The following SSX1 variants were observed in gnomAD, a reference collection of about 807,000 sequenced individuals.
The protein encoded by SSX1 is protein SSX1.
In SSX1, 58 loss-of-function variants were observed where a neutral mutation model predicts 14.6. That is an observed-to-expected ratio of 3.96 (90% CI 3.21 to 4.93). SSX1 has a LOEUF of 4.93. Ranked by LOEUF, SSX1 falls within the 30% of genes most tolerant of loss-of-function variation. The probability of loss-of-function intolerance (pLI) is 0.00; values close to 1 mark genes in which losing one functional copy is unlikely to be tolerated. For missense variants in SSX1, 272 were observed against 143.1 expected (o/e 1.90, Z -4.60); for synonymous variants, 46 against 52.1 (o/e 0.88, Z 0.50).
chrX:48,262,590 C>G (rs1169086461), intron 5 of SSX1, among the ~76,000 whole-genome samples: 2 of 111,237 alleles, frequency 1.8e-5, no homozygotes, highest in African/African-American at 3.3e-5. Flanking sequence ...AGCCCCAGTC[C>G]CAGCCCAGGG....
intron 5 of SSX1, among the ~76,000 whole-genome samples, chrX:48,262,277 G>T (rs12116143): frequency 0.066 from 7,348 of 111,920 alleles, 282 homozygotes; most frequent in East Asian, 0.25. Context: ...GAGGCTATCG[G>T]GGTACAGAGA....
intron 5 of SSX1, among the ~76,000 whole-genome samples, chrX:48,263,064 G>A (rs2059610470): frequency 9.1e-6 from 1 of 109,848 alleles, no homozygotes; most frequent in South Asian, 4.0e-4. Flanking sequence ...AACCGGGGAG[G>A]AGGAGATTGC....
Position 48,267,405 on chromosome X carries a change from G to C in SSX1, c.*556G>C, listed in dbSNP as rs190151430. ...TGTACTCCCCTCATCCGATTCCCCT[G>C]TATCAGTCACTGACAGTTAATAAAC... On this transcript the variant is annotated 3_prime_UTR_variant, in exon 8 of 8. Coordinates refer to ENST00000376919, the MANE Select transcript of SSX1 (RefSeq NM_005635.4). The C allele has an allele frequency of 7.4e-4, 121 of 163,134 alleles. No homozygotes were observed. Among genetic ancestry groups the C allele is most frequent in the African/African-American group, 2.4e-3 (77 of 32,478 alleles). 13.4% of individuals were successfully genotyped at this position (163,134 alleles called of 1,213,427 possible).
In SSX1 at chrX:48,266,853, G is replaced by A. The variant is rs1556936556; in HGVS notation, c.*5-1G>A. ...ACTTTCCTTCCCTCTTCTCGCCTCA[G>A]CCTGGGGGATACGACACATGCCCTT... On this transcript the variant is annotated splice_acceptor_variant, in intron 7 of 7. Transcript: ENST00000376919. LOFTEE classifies it low-confidence loss of function (3UTR_SPLICE). 14 of 1,066,678 alleles carry A rather than the reference G, an allele frequency of 1.3e-5. No homozygotes were observed. Among genetic ancestry groups the A allele is most frequent in the Non-Finnish European group, 1.8e-5 (14 of 778,731 alleles). The allele number at this position is 1,066,678 out of a possible 1,213,427, so 87.9% of individuals were successfully genotyped here.
Position 48,261,812 on chromosome X carries a change from GA to G in SSX1, c.329del (p.Lys110ArgfsTer66). 1.7e-6 allele frequency: 2 copies of G among 1,210,380 alleles called. No individual in the cohort carries two copies. Among genetic ancestry groups the G allele is most frequent in the African/African-American group, 1.7e-5 (1 of 57,775 alleles). On this transcript the variant is annotated frameshift_variant and splice_region_variant, in exon 5 of 8. Transcript: ENST00000376919. LOFTEE classifies it high-confidence loss of function. ...TFGRLHRIIP[K>X]IMPKKPAEDE... Reference sequence around the variant, plus strand: ...TCGGCAGGCTCCACAGAATCATCCCGAAGGTGAGTATCTCTCAAATCTAAAG... The same window carrying G: ...TCGGCAGGCTCCACAGAATCATCCCGAGGTGAGTATCTCTCAAATCTAAAG...
Position 48,261,781 on chromosome X carries a change from T to C in SSX1, c.296T>C (p.Met99Thr), listed in dbSNP as rs782763366. ...NRRIQVEHPQ[M>T]TFGRLHRIIP... is the part of the protein sequence containing the mutation. Reference sequence around the variant, plus strand: ...TCTCTTTCAGTTGAACATCCTCAGATGACTTTCGGCAGGCTCCACAGAATC... The same window carrying C: ...TCTCTTTCAGTTGAACATCCTCAGACGACTTTCGGCAGGCTCCACAGAATC... Residue 99 changes from methionine to threonine, a missense_variant, in exon 5 of 8, where the codon ATG (methionine) becomes ACG (threonine). Physicochemically the swap from Met to Thr is moderately conservative, Grantham distance 81 (BLOSUM62 -1). Coordinates refer to ENST00000376919, the MANE Select transcript of SSX1 (RefSeq NM_005635.4). The C allele has an allele frequency of 1.3e-5, 16 of 1,211,402 alleles. No homozygotes were observed. In the East Asian group the frequency reaches 4.4e-4, roughly 34 times the overall value.
rs2059611502 is a variant in SSX1 at position 48,263,260 on chromosome X, T to A, written c.331-522T>A. 6.3e-5 allele frequency among the ~76,000 whole-genome samples: 7 copies of A among 111,453 alleles called. No individual in the cohort carries two copies. In the Admixed American group the frequency reaches 6.7e-4, roughly 11 times the overall value. On this transcript the variant is annotated intron_variant, in intron 5 of 7. Coordinates refer to ENST00000376919, the MANE Select transcript of SSX1 (RefSeq NM_005635.4). ...TGCCTCGGTAGGGTGGTATGCCAGA[T>A]CTGGTACTGCTTTCTTTGCTGCCTA...
intron 4 of SSX1, among the ~76,000 whole-genome samples, chrX:48,259,496 A>G (rs782271006): frequency 2.8e-4 from 31 of 110,859 alleles, no homozygotes; most frequent in African/African-American, 9.5e-4. Context: ...ACATGTGCAC[A>G]ATGTGCAGGT....
chrX:48,256,557 T>C (rs2059582994), intron 1 of SSX1, among the ~76,000 whole-genome samples: 1 of 96,658 alleles, frequency 1.0e-5, no homozygotes, highest in Admixed American at 1.3e-4. Context: ...CGCCTCGGCC[T>C]CCCAAAATGC....
At position 48,259,877 on chromosome X, in the gene SSX1, G is replaced by T. The variant is rs782165741; in HGVS notation, c.280+1246G>T. 4.5e-3 allele frequency among the ~76,000 whole-genome samples: 465 copies of T among 104,382 alleles called. 3 individuals carry two copies. Among genetic ancestry groups the T allele is most frequent in the Non-Finnish European group, 7.4e-3 (376 of 50,811 alleles). 90.6% of individuals were successfully genotyped at this position (104,382 alleles called of 115,157 possible). ...TGTTGGACATTTGGGTTGGTTCCAAGTCTTTGCTATTGTGAATAGTGCCAC... is the reference window on the plus strand; with the variant it reads ...TGTTGGACATTTGGGTTGGTTCCAATTCTTTGCTATTGTGAATAGTGCCAC... On this transcript the variant is annotated intron_variant, in intron 4 of 7. Transcript: ENST00000376919.
intron 5 of SSX1, among the ~76,000 whole-genome samples, chrX:48,262,957 A>G (rs1273870683): frequency 9.1e-6 from 1 of 110,000 alleles, no homozygotes; most frequent in Non-Finnish European, 1.9e-5. Flanking sequence ...AACATGGTGA[A>G]ACCTCATCTC....
Position 48,261,816 on chromosome X carries a change from G to A in SSX1, c.330+1G>A, listed in dbSNP as rs781834262. On this transcript the variant is annotated splice_donor_variant, in intron 5 of 7. Transcript: ENST00000376919. LOFTEE classifies it high-confidence loss of function. Reference sequence around the variant, plus strand: ...CAGGCTCCACAGAATCATCCCGAAGGTGAGTATCTCTCAAATCTAAAGGAC... The same window carrying A: ...CAGGCTCCACAGAATCATCCCGAAGATGAGTATCTCTCAAATCTAAAGGAC... 7 of 1,210,429 alleles carry A rather than the reference G, an allele frequency of 5.8e-6. No homozygotes were observed. The highest frequency in any genetic ancestry group is 2.3e-4 in the Middle Eastern group (1 of 4,348).
At position 48,257,204 on chromosome X, in the gene SSX1, AG is replaced by A. The variant is rs782226406; in HGVS notation, c.-20-16del. On this transcript the variant is annotated splice_polypyrimidine_tract_variant and intron_variant, in intron 1 of 7. Coordinates refer to ENST00000376919, the MANE Select transcript of SSX1 (RefSeq NM_005635.4). ...AAGGGTCCTGTAGCTAGAAAGTCTCAGGCTGTTTCTCTTGCAGGTGAGACTG... is the reference window on the plus strand; with the variant it reads ...AAGGGTCCTGTAGCTAGAAAGTCTCAGCTGTTTCTCTTGCAGGTGAGACTG... 4.2e-6 allele frequency: 5 copies of A among 1,203,351 alleles called. No homozygotes were observed. Among genetic ancestry groups the A allele is most frequent in the Non-Finnish European group, 5.6e-6 (5 of 888,155 alleles).
Position 48,267,157 on chromosome X carries a change from G to T in SSX1, c.*308G>T, listed in dbSNP as rs1448442265. 26 of 358,127 alleles carry T rather than the reference G, an allele frequency of 7.3e-5. No individual in the cohort carries two copies. The highest frequency in any genetic ancestry group is 3.9e-4 in the African/African-American group (15 of 38,140). 29.5% of individuals were successfully genotyped at this position (358,127 alleles called of 1,213,427 possible). On this transcript the variant is annotated 3_prime_UTR_variant, in exon 8 of 8. Coordinates refer to ENST00000376919, the MANE Select transcript of SSX1 (RefSeq NM_005635.4). ...CTACGTCAGAAAACAAGTATTGTCA[G>T]GTATTCTCTCCATAGAACAGCACTA...
chrX:48,265,366 T>C (rs1451673253), intron 6 of SSX1, among the ~76,000 whole-genome samples: 3 of 112,057 alleles, frequency 2.7e-5, no homozygotes, highest in African/African-American at 6.5e-5. Context: ...TGTGAGAGAA[T>C]GCGACTCTTC....
intron 2 of SSX1, 180 bp downstream of exon 2, chrX:48,257,490 C>G (rs113029838): frequency 1.0e-4 from 77 of 751,491 alleles, no homozygotes; most frequent in African/African-American, 3.0e-4. Flanking sequence ...AGACAAGTCT[C>G]TGACCTTGCT....
intron 5 of SSX1, among the ~76,000 whole-genome samples, chrX:48,262,486 T>C (rs1465562348): frequency 1.8e-5 from 2 of 111,994 alleles, no homozygotes; most frequent in African/African-American, 3.2e-5. Flanking sequence ...TCTGCTCTGT[T>C]ACCGGGGCCA....
In SSX1 at chrX:48,257,848, A is replaced by G. The variant is rs142378336; in HGVS notation, c.172A>G (p.Met58Val). 56 of 1,172,484 alleles carry G rather than the reference A, an allele frequency of 4.8e-5. No homozygotes were observed. Among genetic ancestry groups the G allele is most frequent in the African/African-American group, 8.9e-5 (5 of 56,265 alleles). The change falls in exon 3 of 8, where the codon ATG becomes GTG. Residue 58 changes from methionine (M) to valine (V), a missense_variant. Physicochemically the swap from Met to Val is conservative, Grantham distance 21. Transcript: ENST00000376919. ...GTATATGAAGAGAAACTATAAGGCC[A>G]TGACTAAACTAGGTAACAGAAAGTT... The part of the protein sequence containing the change: ...YVYMKRNYKA[M>V]TKLGFKVTLP...
chrX:48,256,441 T>G (rs1275504475), intron 1 of SSX1, among the ~76,000 whole-genome samples: 2 of 101,815 alleles, frequency 2.0e-5, no homozygotes, highest in Non-Finnish European at 4.0e-5. Flanking sequence ...CCCCAGCTAA[T>G]TTTTTGTGTG....
Sources: allele counts gnomAD v4.1 joint callset (sites outside exome capture counted in the v4.1 genomes callset), GRCh38; gene constraint gnomAD v4.1.1; transcripts MANE v1.5; gene names NCBI Gene and HGNC (gene_info 2026-07-23, HGNC 2026-07-21).